ATG10: variants seen among roughly 807,000 people sequenced by gnomAD.
ATG10 encodes ubiquitin-like-conjugating enzyme ATG10.
A neutral mutation model predicts 32.1 loss-of-function variants in ATG10; 30 were observed. The ratio of observed to expected loss-of-function variants is 0.94; its 90% confidence interval spans 0.70 to 1.27. The LOEUF (loss-of-function observed/expected upper bound fraction) is 1.27. Ranked by LOEUF, ATG10 falls within the 50% of genes most tolerant of loss-of-function variation. ATG10 has a pLI of 0.00. For synonymous variants in ATG10, 87 were observed against 91.5 expected, an observed-to-expected ratio of 0.95 and a Z score of 0.28; for missense variants, 233 against 262.3, an observed-to-expected ratio of 0.89 and a Z score of 0.77.
intron 3 of ATG10, among the ~76,000 whole-genome samples, chr5:82,140,045 C>T (rs1316988155): frequency 1.4e-4 from 20 of 138,260 alleles, no homozygotes; most frequent in Non-Finnish European, 2.4e-4. Context: ...CCCGGCCAGC[C>T]GCCCCGTCCG....
chr5:82,055,812 T>C (rs947973931), intron 2 of ATG10, among the ~76,000 whole-genome samples: 2 of 152,218 alleles, frequency 1.3e-5, no homozygotes, highest in Non-Finnish European at 2.9e-5. Flanking sequence ...CATGAGATTA[T>C]AATACTGTAT....
At chr5:82,013,307 A>G (rs569063586) in intron 2 of ATG10, among the ~76,000 whole-genome samples, 3 of 152,284 alleles carry the variant, frequency 2.0e-5, no homozygotes, top group South Asian at 4.1e-4. Flanking sequence ...CTTGTGAGTG[A>G]GAACATACGA....
intron 5 of ATG10, among the ~76,000 whole-genome samples, chr5:82,201,833 G>A (rs1313713646): frequency 6.6e-6 from 1 of 152,128 alleles, no homozygotes; most frequent in Non-Finnish European, 1.5e-5. Flanking sequence ...ATTGTTTTAA[G>A]CATGCAGATC....
chr5:82,112,947 T>G (rs1316125269), intron 3 of ATG10, among the ~76,000 whole-genome samples: 2 of 151,986 alleles, frequency 1.3e-5, no homozygotes, highest in African/African-American at 4.8e-5. Context: ...CAGATATAGT[T>G]ATTAAAATGT....
chr5:82,026,626 A>G (rs1762601849), intron 2 of ATG10, among the ~76,000 whole-genome samples: 1 of 152,204 alleles, frequency 6.6e-6, no homozygotes, highest in Non-Finnish European at 1.5e-5. Context: ...AATTAGCCAA[A>G]GTTACATTCT....
At chr5:82,243,111 TA>T (rs1407499483) in intron 5 of ATG10, among the ~76,000 whole-genome samples, 1 of 152,124 alleles carries the variant, frequency 6.6e-6, no homozygotes, top group African/African-American at 2.4e-5. Flanking sequence ...ATAGCTATTT[TA>T]AAATTTAAGA....
intron 3 of ATG10, among the ~76,000 whole-genome samples, chr5:82,115,523 A>C (rs1765777044): frequency 6.6e-6 from 1 of 152,052 alleles, no homozygotes; most frequent in Admixed American, 6.6e-5. Flanking sequence ...AGCTCCTTGC[A>C]GGTCATACAG....
chr5:82,164,324 C>CGGTG, intron 3 of ATG10, 75 bp from the exon 4 acceptor site: 4 of 1,164,074 alleles, frequency 3.4e-6, no homozygotes, highest in South Asian at 1.4e-5. Flanking sequence ...AGAAGAAAAT[C>CGGTG]TCCTCTTTTC....
At chr5:82,077,635 A>G (rs1709709138) in intron 3 of ATG10, among the ~76,000 whole-genome samples, 1 of 152,090 alleles carries the variant, frequency 6.6e-6, no homozygotes. Flanking sequence ...TAAACTCATT[A>G]AGTAAAGACC....
chr5:82,222,699 C>T (rs1321460134), intron 5 of ATG10, among the ~76,000 whole-genome samples: 2 of 152,172 alleles, frequency 1.3e-5, no homozygotes, highest in African/African-American at 4.8e-5. Flanking sequence ...TGGAAATTTG[C>T]TGCTGAGGTA....
chr5:82,227,756 C>G (rs1746191816), intron 5 of ATG10, among the ~76,000 whole-genome samples: 1 of 152,100 alleles, frequency 6.6e-6, no homozygotes, highest in South Asian at 2.1e-4. Context: ...GTGCATAGAT[C>G]CAGGTTCTTC....
At chr5:82,183,861 C>T (rs1744345597) in intron 5 of ATG10, among the ~76,000 whole-genome samples, 1 of 152,156 alleles carries the variant, frequency 6.6e-6, no homozygotes, top group Non-Finnish European at 1.5e-5. Flanking sequence ...TCTTTATGGA[C>T]TCATAAATGT....
rs1747424778 is a variant in ATG10 at position 82,255,325 on chromosome 5, T to C, written c.*1262T>C. 6.6e-6 allele frequency: 1 copy of C among 152,356 alleles called. No individual in the cohort carries two copies. Among genetic ancestry groups the C allele is most frequent in the Admixed American group, 6.5e-5 (1 of 15,302 alleles). The allele number at this position is 152,356 out of a possible 1,614,324, so 9.4% of individuals were successfully genotyped here. A position where few individuals can be genotyped will look rare whatever the true frequency, so the allele number is the denominator to read the frequency against. The stretch of plus-strand genomic sequence containing the variant: ...AATGCTCACCTTTCTTGTATATAAT[T>C]GGTATTCACTAAGGCTGTAAATAAG... On this transcript the variant is annotated 3_prime_UTR_variant, in exon 8 of 8. Coordinates refer to ENST00000282185, the MANE Select transcript of ATG10 (RefSeq NM_031482.5).
At chr5:82,068,670 G>A (rs535168972) in intron 3 of ATG10, among the ~76,000 whole-genome samples, 102 of 144,922 alleles carry the variant, frequency 7.0e-4, no homozygotes, top group African/African-American at 2.4e-3. Flanking sequence ...CTTTATAACC[G>A]AATCTAAACT....
chr5:82,228,718 T>C (rs766135214), intron 5 of ATG10, among the ~76,000 whole-genome samples: 16 of 152,242 alleles, frequency 1.1e-4, no homozygotes, highest in Non-Finnish European at 1.6e-4. Context: ...AATTTGCAAC[T>C]ATTTAATGAA....
intron 5 of ATG10, among the ~76,000 whole-genome samples, chr5:82,215,770 C>G (rs1745652541): frequency 6.6e-6 from 1 of 151,944 alleles, no homozygotes; most frequent in Non-Finnish European, 1.5e-5. Flanking sequence ...ACCCCATTCT[C>G]TACTAAAAAT....
intron 5 of ATG10, among the ~76,000 whole-genome samples, chr5:82,233,022 T>C (rs900943302): frequency 6.6e-6 from 1 of 152,216 alleles, no homozygotes; most frequent in Non-Finnish European, 1.5e-5. Flanking sequence ...CTGCCTGAAA[T>C]GTTCTTCTTC....
intron 3 of ATG10, among the ~76,000 whole-genome samples, chr5:82,125,588 G>A (rs1317805967): frequency 1.3e-5 from 2 of 152,102 alleles, no homozygotes; most frequent in Admixed American, 6.6e-5. Flanking sequence ...GGTTGTAGAT[G>A]TGTGGTGTTA....
intron 5 of ATG10, among the ~76,000 whole-genome samples, chr5:82,180,414 A>G (rs750417597): frequency 1.3e-5 from 2 of 152,162 alleles, no homozygotes; most frequent in Non-Finnish European, 2.9e-5. Flanking sequence ...CTGAAATCCA[A>G]ATCTGTAGAC....
Sources: gnomAD v4.1 joint callset for allele counts (sites outside exome capture counted in the v4.1 genomes callset) on GRCh38, gnomAD v4.1.1 for gene constraint, MANE v1.5 for transcripts, NCBI Gene and HGNC (gene_info 2026-07-23, HGNC 2026-07-21) for gene names.